The following SEC14L2 variants were observed in gnomAD, a reference collection of about 807,000 sequenced individuals.
The protein encoded by SEC14L2 is SEC14 like lipid binding 2.
SEC14L2 carries 50 observed loss-of-function variants against 56.9 expected under a neutral mutation model. That is an observed-to-expected ratio of 0.88 (90% CI 0.70 to 1.11). SEC14L2 has a LOEUF of 1.11. Ranked by LOEUF, SEC14L2 falls within the 50% of genes most tolerant of loss-of-function variation. The probability of loss-of-function intolerance (pLI) is 0.00; values close to 1 mark genes in which losing one functional copy is unlikely to be tolerated. For synonymous variants in SEC14L2, 179 were observed against 188.5 expected (o/e 0.95, Z 0.41); for missense variants, 414 against 500.7 (o/e 0.83, Z 1.65).
At chr22:30,415,650 G>GT (rs1934366956) in intron 8 of SEC14L2, 109 bp from the exon 9 acceptor site, 1 of 843,516 alleles carries the variant, frequency 1.2e-6, no homozygotes, top group Admixed American at 2.2e-5. Flanking sequence ...GTGTTGTGGG[G>GT]TGCAATGGAT....
intron 2 of SEC14L2, among the ~76,000 whole-genome samples, 187 bp downstream of exon 2, chr22:30,399,905 G>A (rs973510314): frequency 4.6e-5 from 7 of 152,252 alleles, no homozygotes; most frequent in Non-Finnish European, 1.0e-4. Flanking sequence ...GCTCAGAGAG[G>A]TCAAGTGACT....
Position 30,409,290 on chromosome 22 carries a change from G to A in SEC14L2, c.519+8G>A. 6.2e-7 allele frequency: 1 copy of A among 1,612,328 alleles called. No individual in the cohort carries two copies. On this transcript the variant is annotated splice_region_variant and intron_variant, in intron 6 of 11. Transcript: ENST00000615189. ...GTGGAGGCCTATGGAGAGGTGAGGG[G>A]CAGGGGTGGGGAGGAAGGGGACAGA...
intron 11 of SEC14L2, among the ~76,000 whole-genome samples, chr22:30,417,608 T>C (rs982354718): frequency 1.3e-5 from 2 of 152,246 alleles, no homozygotes; most frequent in African/African-American, 4.8e-5. Context: ...TGATAGGTTC[T>C]GTGAGGCACT....
chr22:30,423,999 C>T lies in SEC14L2; in HGVS notation c.*1592C>T, dbSNP rs1934599622. 6.6e-6 allele frequency: 1 copy of T among 152,332 alleles called. No homozygotes were observed. Among genetic ancestry groups the T allele is most frequent in the Non-Finnish European group, 1.5e-5 (1 of 68,110 alleles). The allele number at this position is 152,332 out of a possible 1,614,324, so 9.4% of individuals were successfully genotyped here. On this transcript the variant is annotated 3_prime_UTR_variant, in exon 12 of 12. Transcript: ENST00000615189. ...TCCTCGGCTCTCTAGCGTGAGCTTT[C>T]CCAAGGGGCCACGCCCAGCTTGCCT...
intron 2 of SEC14L2, 83 bp downstream of exon 2, chr22:30,399,801 G>A (rs930776963): frequency 2.5e-6 from 3 of 1,203,700 alleles, no homozygotes; most frequent in African/African-American, 1.5e-5. Flanking sequence ...CCCTGCCCTT[G>A]GCAATTGAGG....
rs1934554358 is a variant in SEC14L2 at position 30,422,756 on chromosome 22, A to C, written c.*349A>C. ...AATTAGAAAAGGGTGAAAGATTGGG[A>C]CTTAACACTTCAGGGAAGTCAGCTG... is the stretch of plus-strand genomic sequence containing the variant. On this transcript the variant is annotated 3_prime_UTR_variant, in exon 12 of 12. Transcript: ENST00000615189. The C allele has an allele frequency of 5.0e-6, 1 of 200,364 alleles. No homozygotes were observed. Among genetic ancestry groups the C allele is most frequent in the African/African-American group, 2.3e-5 (1 of 43,020 alleles). 12.4% of individuals were successfully genotyped at this position (200,364 alleles called of 1,614,324 possible).
At chr22:30,415,100 A>G (rs1340343030) in intron 8 of SEC14L2, among the ~76,000 whole-genome samples, 1 of 152,128 alleles carries the variant, frequency 6.6e-6, no homozygotes, top group Non-Finnish European at 1.5e-5. Context: ...ATGGGGTAAT[A>G]ACATACTCTT....
intron 5 of SEC14L2, 110 bp downstream of exon 5, chr22:30,407,713 CTTTT>C (rs370128450): frequency 9.7e-5 from 59 of 610,562 alleles, no homozygotes; most frequent in Middle Eastern, 5.1e-4. Context: ...AAGGCCCAGC[CTTTT>C]TTTTTTTTTT....
At chr22:30,419,381 G>A (rs767684674) in intron 11 of SEC14L2, among the ~76,000 whole-genome samples, 2 of 152,144 alleles carry the variant, frequency 1.3e-5, no homozygotes, top group Non-Finnish European at 1.5e-5. Flanking sequence ...GCAAAACCCC[G>A]TCTCTACTAA....
At position 30,422,757 on chromosome 22, in the gene SEC14L2, C is replaced by T. The variant is rs1465904154; in HGVS notation, c.*350C>T. On this transcript the variant is annotated 3_prime_UTR_variant, in exon 12 of 12. Transcript: ENST00000615189. Reference sequence around the variant, plus strand: ...ATTAGAAAAGGGTGAAAGATTGGGACTTAACACTTCAGGGAAGTCAGCTGC... The same window carrying T: ...ATTAGAAAAGGGTGAAAGATTGGGATTTAACACTTCAGGGAAGTCAGCTGC... 2 of 198,956 alleles carry T rather than the reference C, an allele frequency of 1.0e-5. No homozygotes were observed. Among genetic ancestry groups the T allele is most frequent in the East Asian group, 1.3e-4 (1 of 7,952 alleles). The allele number at this position is 198,956 out of a possible 1,614,324, so 12.3% of individuals were successfully genotyped here. A position where few individuals can be genotyped will look rare whatever the true frequency, so the allele number is the denominator to read the frequency against.
In SEC14L2 at chr22:30,415,977, G is replaced by A. The variant is rs1372228259; in HGVS notation, c.801G>A (p.Lys267=). ...ACTACGGGGGTGACATCCCCAGGAAGTATTATGTGCGAGACCAGGTGAAAC... is the reference window on the plus strand; with the variant it reads ...ACTACGGGGGTGACATCCCCAGGAAATATTATGTGCGAGACCAGGTGAAAC... The part of the protein sequence containing the change: ...KINYGGDIPR[K]YYVRDQVKQQ... Residue 267 remains lysine, a synonymous_variant, in exon 10 of 12, where the codon AAG becomes AAA. Coordinates refer to ENST00000615189, the MANE Select transcript of SEC14L2 (RefSeq NM_012429.5). 28 of 1,614,116 alleles carry A rather than the reference G, an allele frequency of 1.7e-5. No individual in the cohort carries two copies. Among genetic ancestry groups the A allele is most frequent in the African/African-American group, 2.7e-5 (2 of 74,928 alleles).
At chr22:30,406,862 A>T (rs1217431430) in intron 3 of SEC14L2, among the ~76,000 whole-genome samples, 2 of 152,046 alleles carry the variant, frequency 1.3e-5, no homozygotes, top group Non-Finnish European at 2.9e-5. Flanking sequence ...AAGTGATTTC[A>T]TGCCTCAGCC....
In SEC14L2 at chr22:30,424,530, G is replaced by T. The variant is rs559289557; in HGVS notation, c.*2123G>T. 1.1e-5 allele frequency: 4 copies of T among 353,052 alleles called. No homozygotes were observed. The East Asian group carries it at 3.0e-4, about 26-fold the overall frequency. 21.9% of individuals were successfully genotyped at this position (353,052 alleles called of 1,614,324 possible). On this transcript the variant is annotated 3_prime_UTR_variant, in exon 12 of 12. Transcript: ENST00000615189. The stretch of plus-strand genomic sequence containing the variant: ...AGCTAATTCTTAATAAGGCCTACCG[G>T]GTATCACGCAAAAACCCTGTGCTTA...
In SEC14L2 at chr22:30,419,957, C is replaced by CTTTT. The variant is rs762892426; in HGVS notation, c.1082-2310_1082-2307dup. Among the ~76,000 whole-genome samples the CTTTT allele has an allele frequency of 2.6e-3, 350 of 137,144 alleles. 1 individual carries two copies. Among genetic ancestry groups the CTTTT allele is most frequent in the Non-Finnish European group, 4.5e-3 (289 of 63,582 alleles). 90.0% of individuals were successfully genotyped at this position (137,144 alleles called of 152,430 possible). A position where few individuals can be genotyped will look rare whatever the true frequency, so the allele number is the denominator to read the frequency against. ...GCCTTTTTTTCTTTTCTTTTCTTTT[C>CTTTT]TTTTTTTTTTTTTGAGACAGAGTTT... is the stretch of plus-strand genomic sequence containing the variant. On this transcript the variant is annotated intron_variant, in intron 11 of 11. Transcript: ENST00000615189.
Position 30,397,092 on chromosome 22 carries a change from AC to A in SEC14L2, c.-21del, listed in dbSNP as rs1188618582. 1 of 1,546,750 alleles carries A rather than the reference AC, an allele frequency of 6.5e-7. No individual in the cohort carries two copies. The highest frequency in any genetic ancestry group is 2.5e-5 in the East Asian group (1 of 40,310). ...CGCACCCGCCGCCTCCCGCCCCCAAACCCCATCCCCGCGGTTGAGCCACGAT... is the reference window on the plus strand; with the variant it reads ...CGCACCCGCCGCCTCCCGCCCCCAAACCCATCCCCGCGGTTGAGCCACGAT... On this transcript the variant is annotated 5_prime_UTR_variant, in exon 1 of 12. Transcript: ENST00000615189.
At chr22:30,421,517 T>C (rs566474018) in intron 11 of SEC14L2, 2 of 152,354 alleles carry the variant, frequency 1.3e-5, no homozygotes, top group East Asian at 1.9e-4. Context: ...GATTACAACA[T>C]AAAATTGTTG....
chr22:30,410,302 C>A (rs1934213776), intron 7 of SEC14L2, among the ~76,000 whole-genome samples: 1 of 152,234 alleles, frequency 6.6e-6, no homozygotes, highest in African/African-American at 2.4e-5. Flanking sequence ...TTCACATACG[C>A]AGACTACTTT....
intron 8 of SEC14L2, among the ~76,000 whole-genome samples, chr22:30,414,643 AG>A (rs1934338990): frequency 6.6e-6 from 1 of 152,140 alleles, no homozygotes; most frequent in Non-Finnish European, 1.5e-5. Flanking sequence ...AGGCATAGGC[AG>A]GTTTTAGTAT....
Position 30,410,581 on chromosome 22 carries a change from T to C in SEC14L2, c.581-15T>C, listed in dbSNP as rs367564393. 1.1e-5 allele frequency: 17 copies of C among 1,612,662 alleles called. No individual in the cohort carries two copies. The highest frequency in any genetic ancestry group is 6.7e-5 in the Admixed American group (4 of 60,006). On this transcript the variant is annotated splice_polypyrimidine_tract_variant and intron_variant, in intron 7 of 11. Coordinates refer to ENST00000615189, the MANE Select transcript of SEC14L2 (RefSeq NM_012429.5). ...GCACTGCTCCCAGCCTCACATTATC[T>C]GGTCTCTGTTCCAGCCCCCAAACTG...
Sources: allele counts gnomAD v4.1 joint callset (sites outside exome capture counted in the v4.1 genomes callset), GRCh38; gene constraint gnomAD v4.1.1; transcripts MANE v1.5; gene names NCBI Gene and HGNC (gene_info 2026-07-23, HGNC 2026-07-21).